The following ZNF503 variants were observed in gnomAD, a reference collection of about 807,000 sequenced individuals.
ZNF503 encodes NocA-like zinc finger 2.
A neutral mutation model predicts 34.4 loss-of-function variants in ZNF503; 15 were observed. The observed-to-expected ratio is 0.44, with a 90% CI of 0.29 to 0.67. The LOEUF (loss-of-function observed/expected upper bound fraction) is 0.67. Ranked by LOEUF, ZNF503 falls within the 30% of genes least tolerant of loss-of-function variation. ZNF503 has a pLI of 0.13. For missense variants in ZNF503, 1,007 were observed against 926.8 expected (o/e 1.09, Z -1.12); for synonymous variants, 580 against 456.8 (o/e 1.27, Z -3.44).
At chr10:75,375,393 T>A in the ZNF503 span, among the ~76,000 whole-genome samples, 2 of 152,136 alleles carry the variant, frequency 1.3e-5, no homozygotes, top group Non-Finnish European at 2.9e-5. Context: ...AGTGCTGGGA[T>A]TTACAGGCAT....
chr10:75,313,283 C>T, the ZNF503 span, among the ~76,000 whole-genome samples: 1 of 152,098 alleles, frequency 6.6e-6, no homozygotes, highest in Non-Finnish European at 1.5e-5. Context: ...GGACACGTTC[C>T]AACACACCAC....
chr10:75,379,548 T>C, the ZNF503 span, among the ~76,000 whole-genome samples: 1 of 152,198 alleles, frequency 6.6e-6, no homozygotes, highest in Non-Finnish European at 1.5e-5. Flanking sequence ...CTGCTTCACG[T>C]TGCTGGGATG....
the ZNF503 span, among the ~76,000 whole-genome samples, chr10:75,381,524 G>C: frequency 6.6e-6 from 1 of 152,162 alleles, no homozygotes; most frequent in South Asian, 2.1e-4. Flanking sequence ...TGTGTGGCCT[G>C]GGATGTGTTC....
At chr10:75,295,751 C>G in the ZNF503 span, 2 of 152,178 alleles carry the variant, frequency 1.3e-5, no homozygotes, top group Non-Finnish European at 1.5e-5. The surrounding 1 kb of genome is among the most constrained non-coding windows in gnomAD (Gnocchi z 4.0). Context: ...GGACTGCCAG[C>G]CAGCATAACA....
chr10:75,355,311 A>AT, the ZNF503 span, among the ~76,000 whole-genome samples: 4 of 152,184 alleles, frequency 2.6e-5, no homozygotes, highest in Non-Finnish European at 4.4e-5. Flanking sequence ...TTAAAATAAA[A>AT]ACCTCCTATT....
the ZNF503 span, among the ~76,000 whole-genome samples, chr10:75,306,125 T>C: frequency 9.0e-3 from 1,369 of 152,314 alleles, 24 homozygotes; most frequent in African/African-American, 0.032. Context: ...ATGTTTTCCA[T>C]AGTGGCCCTA....
chr10:75,302,208 G>C, the ZNF503 span, among the ~76,000 whole-genome samples: 4 of 152,134 alleles, frequency 2.6e-5, no homozygotes, highest in Admixed American at 6.5e-5. Context: ...TCTGGCCTCC[G>C]TTGTTTCTGA....
the ZNF503 span, among the ~76,000 whole-genome samples, chr10:75,374,693 T>C: frequency 6.6e-6 from 1 of 152,212 alleles, no homozygotes; most frequent in Admixed American, 6.5e-5. Context: ...TCTTTCTCCA[T>C]TGGAAGAGAG....
At chr10:75,301,714 T>A in the ZNF503 span, among the ~76,000 whole-genome samples, 1 of 152,212 alleles carries the variant, frequency 6.6e-6, no homozygotes, top group South Asian at 2.1e-4. Flanking sequence ...CATGATCTAT[T>A]TCAGAAAAAT....
chr10:75,366,277 T>C, the ZNF503 span, among the ~76,000 whole-genome samples: 4 of 152,234 alleles, frequency 2.6e-5, no homozygotes, highest in African/African-American at 9.6e-5. Context: ...CACATCTGGA[T>C]GCCAGGGAAA....
Position 75,398,041 on chromosome 10 carries a change from GTTTTC to G in ZNF503, c.*703_*707del, listed in dbSNP as rs1008671129. The stretch of plus-strand genomic sequence containing the variant: ...TTTTCTTTTTCTTTTTTTTTTTGTT[GTTTTC>G]TTCCAGAATACATACAAAAAAATAC... On this transcript the variant is annotated 3_prime_UTR_variant, in exon 2 of 2. Coordinates refer to ENST00000372524, the MANE Select transcript of ZNF503 (RefSeq NM_032772.6). 3 of 145,760 alleles carry G rather than the reference GTTTTC, an allele frequency of 2.1e-5. No homozygotes were observed. The highest frequency in any genetic ancestry group is 2.0e-4 in the Admixed American group (3 of 14,670). The allele number at this position is 145,760 out of a possible 1,614,324, so 9.0% of individuals were successfully genotyped here.
intron 1 of ZNF503, among the ~76,000 whole-genome samples, chr10:75,400,689 C>T (rs1175432311): frequency 1.3e-5 from 2 of 152,124 alleles, no homozygotes; most frequent in Admixed American, 1.3e-4. Flanking sequence ...CAGAACTGTA[C>T]CCCCTCCCCA....
At chr10:75,331,436 C>T in the ZNF503 span, among the ~76,000 whole-genome samples, 6 of 152,174 alleles carry the variant, frequency 3.9e-5, no homozygotes, top group Non-Finnish European at 7.3e-5. Flanking sequence ...GAGTCTATCT[C>T]TCCCTTTAAT....
At chr10:75,348,415 C>G in the ZNF503 span, among the ~76,000 whole-genome samples, 3 of 151,594 alleles carry the variant, frequency 2.0e-5, no homozygotes, top group Non-Finnish European at 4.4e-5. Context: ...CCAGGCTGGT[C>G]TTGATCTTCT....
the ZNF503 span, among the ~76,000 whole-genome samples, chr10:75,337,741 G>A: frequency 6.6e-6 from 1 of 152,184 alleles, no homozygotes; most frequent in Non-Finnish European, 1.5e-5. Context: ...GAAGCAGAAA[G>A]CCAGAGAACC....
At chr10:75,373,673 C>A in the ZNF503 span, among the ~76,000 whole-genome samples, 3 of 152,226 alleles carry the variant, frequency 2.0e-5, no homozygotes, top group Non-Finnish European at 4.4e-5. Context: ...AGCTGGGTGA[C>A]TTACGCAAGT....
Sources: allele counts gnomAD v4.1 joint callset (sites outside exome capture counted in the v4.1 genomes callset), GRCh38; gene constraint gnomAD v4.1.1; non-coding constraint Gnocchi (gnomAD v3.1); transcripts MANE v1.5; gene names NCBI Gene and HGNC (gene_info 2026-07-23, HGNC 2026-07-21).